Variants in TTLL11 observed in about 807,000 individuals in gnomAD.
TTLL11 encodes tubulin tyrosine ligase like 11.
TTLL11 carries 42 observed loss-of-function variants against 51.7 expected under a neutral mutation model. The ratio of observed to expected loss-of-function variants is 0.81; its 90% CI spans 0.64 to 1.05. TTLL11 has a LOEUF of 1.05. Among genes scored for constraint, TTLL11 ranks in the 50% least tolerant of loss-of-function variants. The pLI, the probability that TTLL11 is intolerant of heterozygous loss-of-function variation, is 0.00. For synonymous variants in TTLL11, 381 were observed against 383.5 expected, an observed-to-expected ratio of 0.99 and a Z score of 0.08; for missense variants, 799 against 940.4, an observed-to-expected ratio of 0.85 and a Z score of 1.97.
chr9:121,908,459 CAAG>C (rs1394777568), intron 6 of TTLL11, among the ~76,000 whole-genome samples: 1 of 152,196 alleles, frequency 6.6e-6, no homozygotes, highest in Non-Finnish European at 1.5e-5. Flanking sequence ...GCCTGGTCAC[CAAG>C]AAGAATACTT....
chr9:121,971,797 C>T (rs1842587302), intron 6 of TTLL11, among the ~76,000 whole-genome samples: 1 of 144,356 alleles, frequency 6.9e-6, no homozygotes, highest in Non-Finnish European at 1.5e-5. Flanking sequence ...GAATACTATG[C>T]AGCCATAAAA....
chr9:121,919,749 T>A (rs974164024), intron 6 of TTLL11, among the ~76,000 whole-genome samples: 1 of 150,496 alleles, frequency 6.6e-6, no homozygotes, highest in Non-Finnish European at 1.5e-5. Flanking sequence ...CAGCAGCTCA[T>A]GCTTGTAATC....
At chr9:122,084,825 T>G (rs1042633071) in intron 1 of TTLL11, among the ~76,000 whole-genome samples, 1 of 152,182 alleles carries the variant, frequency 6.6e-6, no homozygotes, top group Non-Finnish European at 1.5e-5. Context: ...CCCAGAAAAT[T>G]TGTATCTTTT....
At position 121,853,491 on chromosome 9, in the gene TTLL11, A is replaced by C. The variant is rs1313070219; in HGVS notation, c.1840+6846T>G. Reference sequence around the variant, plus strand: ...AGGTGGGGGCCTGAGGGGGCCGGCCATTCTGGCTGGAGTGAGTGTGAGGCT... The same window carrying C: ...AGGTGGGGGCCTGAGGGGGCCGGCCCTTCTGGCTGGAGTGAGTGTGAGGCT... On this transcript the variant is annotated intron_variant, in intron 8 of 8. Coordinates refer to ENST00000321582, the MANE Select transcript of TTLL11 (RefSeq NM_001139442.2). This position sits in a 1 kb window ranked among gnomAD's most constrained non-coding sequence, Gnocchi z 5.6. Among the ~76,000 whole-genome samples the C allele has an allele frequency of 2.0e-5, 3 of 151,912 alleles. No individual in the cohort carries two copies. The highest frequency in any genetic ancestry group is 7.3e-5 in the African/African-American group (3 of 41,342).
chr9:122,018,679 C>T (rs1209228659), intron 3 of TTLL11, among the ~76,000 whole-genome samples: 1 of 152,216 alleles, frequency 6.6e-6, no homozygotes, highest in African/African-American at 2.4e-5. Context: ...CAGCAAATGA[C>T]TACTGTGGGG....
intron 8 of TTLL11, among the ~76,000 whole-genome samples, chr9:121,825,264 G>A (rs10985406): frequency 0.28 from 42,075 of 152,004 alleles, 6,425 homozygotes; most frequent in East Asian, 0.48. Flanking sequence ...GATACACACA[G>A]AGTGAGAAGA....
intron 1 of TTLL11, among the ~76,000 whole-genome samples, chr9:122,073,315 C>G (rs1395002734): frequency 6.6e-6 from 1 of 152,132 alleles, no homozygotes; most frequent in African/African-American, 2.4e-5. Flanking sequence ...GAGGCTGAGG[C>G]ACAAGAATCA....
chr9:122,060,802 A>G (rs979944475), intron 1 of TTLL11, among the ~76,000 whole-genome samples: 3 of 152,176 alleles, frequency 2.0e-5, no homozygotes, highest in African/African-American at 7.2e-5. Context: ...GCTGTGGGAG[A>G]TTATTAGCTC....
intron 6 of TTLL11, among the ~76,000 whole-genome samples, chr9:121,932,934 A>T (rs1588135579): frequency 6.6e-6 from 1 of 152,294 alleles, no homozygotes; most frequent in East Asian, 1.9e-4. Context: ...GCAGGAAAAA[A>T]CCACAGACTA....
chr9:121,880,107 G>A (rs564168587), intron 6 of TTLL11, among the ~76,000 whole-genome samples: 28 of 152,358 alleles, frequency 1.8e-4, no homozygotes, highest in Admixed American at 1.7e-3. Context: ...GGAGGAGAAT[G>A]CCTTTTGCCT....
intron 3 of TTLL11, among the ~76,000 whole-genome samples, chr9:122,030,327 A>G (rs1844500421): frequency 6.6e-6 from 1 of 152,124 alleles, no homozygotes; most frequent in Non-Finnish European, 1.5e-5. Context: ...AATTTTAAGC[A>G]ATGTATATAA....
intron 3 of TTLL11, among the ~76,000 whole-genome samples, chr9:122,014,129 C>G (rs1843896336): frequency 1.3e-5 from 2 of 152,084 alleles, no homozygotes; most frequent in African/African-American, 4.8e-5. Context: ...CTTTGGGAGG[C>G]AGAGGTGGGC....
chr9:121,942,916 C>A (rs1458207066), intron 6 of TTLL11, among the ~76,000 whole-genome samples: 1 of 152,074 alleles, frequency 6.6e-6, no homozygotes, highest in African/African-American at 2.4e-5. Context: ...AACCAAGTGC[C>A]CCCAAGCAAG....
chr9:122,017,764 AG>A (rs1844031210), intron 3 of TTLL11, among the ~76,000 whole-genome samples: 1 of 152,060 alleles, frequency 6.6e-6, no homozygotes, highest in Non-Finnish European at 1.5e-5. Flanking sequence ...CCCAGCCAAC[AG>A]GGTAAGGATT....
chr9:121,835,857 G>A (rs115267488), intron 8 of TTLL11, among the ~76,000 whole-genome samples: 2,005 of 152,322 alleles, frequency 0.013, 54 homozygotes, highest in African/African-American at 0.046. Context: ...GCTTCATGCT[G>A]TTGTGGACAT....
At chr9:121,990,797 T>G (rs568514004) in intron 3 of TTLL11, among the ~76,000 whole-genome samples, 5 of 152,250 alleles carry the variant, frequency 3.3e-5, no homozygotes, top group Non-Finnish European at 7.4e-5. Flanking sequence ...GTCCACAGTA[T>G]TTGCTCTCCT....
chr9:122,006,957 C>T (rs1188790315), intron 3 of TTLL11, among the ~76,000 whole-genome samples: 1 of 115,534 alleles, frequency 8.7e-6, no homozygotes, highest in East Asian at 2.9e-4. Flanking sequence ...CTCCACTCCT[C>T]GGTGGCAGAG....
rs570911183 is a variant in TTLL11 at position 122,063,327 on chromosome 9, A to G, written c.463-23959T>C. Among the ~76,000 whole-genome samples, 8 of 152,230 alleles carry G rather than the reference A, an allele frequency of 5.3e-5. 1 individual carries two copies. Among genetic ancestry groups the G allele is most frequent in the Admixed American group, 2.0e-4 (3 of 15,286 alleles). The stretch of plus-strand genomic sequence containing the variant: ...AAAATCGACCTATTTGAAGATCCAT[A>G]TATGATAACATCAGATCTATTGTTG... On this transcript the variant is annotated intron_variant, in intron 1 of 8. Coordinates refer to ENST00000321582, the MANE Select transcript of TTLL11 (RefSeq NM_001139442.2).
At chr9:121,893,481 T>C (rs1839337455) in intron 6 of TTLL11, among the ~76,000 whole-genome samples, 1 of 152,146 alleles carries the variant, frequency 6.6e-6, no homozygotes, top group South Asian at 2.1e-4. Flanking sequence ...ATTTTACAGA[T>C]GAGAAACCTG....
Sources: allele counts gnomAD v4.1 joint callset (sites outside exome capture counted in the v4.1 genomes callset), GRCh38; gene constraint gnomAD v4.1.1; non-coding constraint Gnocchi (gnomAD v3.1); transcripts MANE v1.5; gene names NCBI Gene and HGNC (gene_info 2026-07-23, HGNC 2026-07-21).